The following COL6A5 variants were observed in gnomAD, a reference collection of about 807,000 sequenced individuals.
The protein encoded by COL6A5 is collagen alpha-5(VI) chain.
COL6A5 carries 48 observed loss-of-function variants against 65.6 expected under a neutral mutation model. That is an observed-to-expected ratio of 0.73 (90% confidence interval 0.58 to 0.93). COL6A5 has a LOEUF of 0.93. COL6A5 is among the 40% of genes least tolerant of loss of function. COL6A5 has a pLI of 0.00. For missense variants in COL6A5, 914 were observed against 928.3 expected (o/e 0.98, Z 0.20); for synonymous variants, 291 against 322.8 (o/e 0.90, Z 1.05).
At chr3:130,374,069 TA>T (rs374008178) in intron 2 of COL6A5, among the ~76,000 whole-genome samples, 17 of 152,334 alleles carry the variant, frequency 1.1e-4, no homozygotes, top group Middle Eastern at 6.8e-3. Context: ...TTTTCGTGAC[TA>T]AAACCATTGC....
intron 20 of COL6A5, 54 bp downstream of exon 20, chr3:130,410,578 A>T: frequency 7.1e-7 from 1 of 1,416,272 alleles, no homozygotes; most frequent in Non-Finnish European, 9.8e-7. Context: ...AAGATGACAG[A>T]GGCATTCAGA....
intron 1 of COL6A5, among the ~76,000 whole-genome samples, chr3:130,358,652 C>T (rs1426727820): frequency 6.6e-6 from 1 of 150,862 alleles, no homozygotes; most frequent in Non-Finnish European, 1.5e-5. Flanking sequence ...GGAATTTTTT[C>T]CCCCCAATCA....
At chr3:130,405,611 C>A (rs1461780703) in exon 14 of COL6A5, 3 of 1,550,700 alleles carry the variant, frequency 1.9e-6, no homozygotes, top group African/African-American at 2.7e-5. Flanking sequence ...ACACAGGACC[C>A]CAAGGAGACA....
chr3:130,471,837 C>T, intron 7 of COL6A5: 1 of 1,534,174 alleles, frequency 6.5e-7, no homozygotes, highest in Non-Finnish European at 8.7e-7. Context: ...CTGCTCTTTT[C>T]AACTGAGAAA....
chr3:130,471,671 T>C lies in COL6A5; in HGVS notation c.2328+704T>C, dbSNP rs1423626108. The C allele has an allele frequency of 6.5e-6, 10 of 1,533,510 alleles. No individual in the cohort carries two copies. The highest frequency in any genetic ancestry group is 8.7e-6 in the Non-Finnish European group (10 of 1,145,462). The allele number at this position is 1,533,510 out of a possible 1,614,324, so 95.0% of individuals were successfully genotyped here. On this transcript the variant is annotated intron_variant, in intron 7 of 7. Coordinates refer to ENST00000512836, the Ensembl canonical transcript of COL6A5. ...TAACTAATTTTTTATCTCTCTTCTC[T>C]ATTACCTCAGACTTCTTCCTGGGAT...
At chr3:130,430,578 G>C (rs1937760886), upstream of COL6A5, among the ~76,000 whole-genome samples, 1 of 152,194 alleles carries the variant, frequency 6.6e-6, no homozygotes, top group Non-Finnish European at 1.5e-5. Flanking sequence ...GATACATAGG[G>C]TAGATTTTCT....
chr3:130,466,210 A>G (rs1709812325), intron 5 of COL6A5, among the ~76,000 whole-genome samples: 1 of 152,040 alleles, frequency 6.6e-6, no homozygotes, highest in South Asian at 2.1e-4. Context: ...AAGATAGACC[A>G]TATTGTGGAC....
chr3:130,427,391 T>C (rs753555751), upstream of COL6A5, among the ~76,000 whole-genome samples: 1 of 152,036 alleles, frequency 6.6e-6, no homozygotes, highest in Non-Finnish European at 1.5e-5. Flanking sequence ...TAGATAAAAA[T>C]GTTGTCATTG....
At chr3:130,365,208 A>G (rs1935288703) in intron 1 of COL6A5, among the ~76,000 whole-genome samples, 1 of 152,224 alleles carries the variant, frequency 6.6e-6, no homozygotes, top group African/African-American at 2.4e-5. Flanking sequence ...GTGGGGAAGG[A>G]GAATCCTCAG....
At chr3:130,453,197 A>T (rs1024216882) in intron 4 of COL6A5, among the ~76,000 whole-genome samples, 2 of 152,160 alleles carry the variant, frequency 1.3e-5, no homozygotes, top group Non-Finnish European at 2.9e-5. Flanking sequence ...AGGCATAGGA[A>T]ATCACAAGAG....
chr3:130,418,383 T>C (rs1937418809), intron 24 of COL6A5, among the ~76,000 whole-genome samples: 1 of 152,054 alleles, frequency 6.6e-6, no homozygotes, highest in Non-Finnish European at 1.5e-5. Context: ...CCCTGCTCCT[T>C]TCCTTTCGGC....
intron 29 of COL6A5, among the ~76,000 whole-genome samples, chr3:130,424,864 G>C (rs1165388747): frequency 6.6e-6 from 1 of 151,980 alleles, no homozygotes; most frequent in Admixed American, 6.6e-5. Flanking sequence ...TCTCATCTGG[G>C]GACACCCACA....
chr3:130,363,656 C>G (rs1935221389), intron 1 of COL6A5, among the ~76,000 whole-genome samples: 2 of 152,206 alleles, frequency 1.3e-5, no homozygotes, highest in South Asian at 4.1e-4. Flanking sequence ...TCCCCTCACC[C>G]TGCTGAATAA....
At chr3:130,429,540 G>C (rs1044074584), upstream of COL6A5, 6 of 1,537,928 alleles carry the variant, frequency 3.9e-6, no homozygotes, top group Non-Finnish European at 5.3e-6. Context: ...GTTTCAAGAA[G>C]GTAACAAACT....
At chr3:130,431,866 A>C (rs1937829729) in exon 1 of COL6A5, 1 of 1,551,620 alleles carries the variant, frequency 6.4e-7, no homozygotes, top group Non-Finnish European at 8.7e-7. Flanking sequence ...ATCCATCATC[A>C]CGGCCACCAT....
At chr3:130,454,270 T>C (rs1172021010) in intron 4 of COL6A5, among the ~76,000 whole-genome samples, 1 of 152,090 alleles carries the variant, frequency 6.6e-6, no homozygotes, top group Admixed American at 6.6e-5. Context: ...GTAAAATATA[T>C]AAAATATGGT....
intron 25 of COL6A5, among the ~76,000 whole-genome samples, chr3:130,420,096 T>C (rs145459912): frequency 4.9e-4 from 74 of 151,842 alleles, no homozygotes; most frequent in African/African-American, 1.6e-3. Flanking sequence ...AAAAGTATCT[T>C]TTTATGTGAT....
intron 11 of COL6A5, 38 bp from the exon 12 acceptor site, chr3:130,401,724 C>G: frequency 7.0e-7 from 1 of 1,418,958 alleles, no homozygotes; most frequent in Non-Finnish European, 9.7e-7. Context: ...AAGTTTCTGA[C>G]AATTGCTATT....
intron 7 of COL6A5, among the ~76,000 whole-genome samples, chr3:130,471,218 T>A (rs991306305): frequency 2.0e-5 from 3 of 151,944 alleles, no homozygotes; most frequent in African/African-American, 7.2e-5. Context: ...AAAAGTAGCC[T>A]CCTATTAGTA....
Sources: gnomAD v4.1 joint callset for allele counts (sites outside exome capture counted in the v4.1 genomes callset) on GRCh38, gnomAD v4.1.1 for gene constraint, MANE v1.5 for transcripts, NCBI Gene and HGNC (gene_info 2026-07-23, HGNC 2026-07-21) for gene names.